PSMG2: variants seen among roughly 807,000 people sequenced by gnomAD.
The protein encoded by PSMG2 is CD40 ligand-activated specific transcript 3.
In PSMG2, 21 loss-of-function variants were observed where a neutral mutation model predicts 31.5. The ratio of observed to expected loss-of-function variants is 0.67; its 90% CI spans 0.47 to 0.96. The LOEUF is 0.96. PSMG2 is among the 40% of genes least tolerant of loss of function. The probability of loss-of-function intolerance (pLI) is 0.00; values close to 1 mark genes in which losing one functional copy is unlikely to be tolerated. For missense variants in PSMG2, 318 were observed against 321.2 expected, an observed-to-expected ratio of 0.99 and a Z score of 0.08; for synonymous variants, 120 against 110.4, an observed-to-expected ratio of 1.09 and a Z score of -0.54.
intron 2 of PSMG2, among the ~76,000 whole-genome samples, chr18:12,707,440 C>G (rs1598679450): frequency 6.6e-6 from 1 of 152,248 alleles, no homozygotes; most frequent in African/African-American, 2.4e-5. Context: ...GTTACGTCAA[C>G]TAAGTCTTAT....
At chr18:12,674,433 C>T in intron 1 of PSMG2, 3 of 799,672 alleles carry the variant, frequency 3.8e-6, no homozygotes, top group Non-Finnish European at 5.8e-6. Flanking sequence ...CAGAGCAAGA[C>T]CTTGAGTTAA....
intron 3 of PSMG2, among the ~76,000 whole-genome samples, chr18:12,717,137 C>T (rs1227160739): frequency 6.7e-6 from 1 of 149,262 alleles, no homozygotes; most frequent in Admixed American, 6.7e-5. Flanking sequence ...TTTGTAGTAA[C>T]AGGGTCTCAC....
chr18:12,668,654 A>G (rs1448326734), intron 1 of PSMG2, among the ~76,000 whole-genome samples: 1 of 150,382 alleles, frequency 6.6e-6, no homozygotes, highest in African/African-American at 2.4e-5. Flanking sequence ...AATCCAATCA[A>G]AAAGCTGAAA....
In PSMG2 at chr18:12,686,556, C is replaced by A. The variant is rs996205008; in HGVS notation, c.-36-19994C>A. 8.6e-6 allele frequency: 7 copies of A among 809,914 alleles called. No individual in the cohort carries two copies. The East Asian group carries it at 1.6e-4, about 18-fold the overall frequency. The allele number at this position is 809,914 out of a possible 1,614,324, so 50.2% of individuals were successfully genotyped here. On this transcript the variant is annotated intron_variant, in intron 1 of 6. Transcript: ENST00000585331. ...TAAAATAATTCAGCATACCATTGAT[C>A]GAGTGCTTACCTTGTATCCAGTATT...
At chr18:12,678,350 T>C (rs1598622045) in intron 1 of PSMG2, 2 of 1,614,160 alleles carry the variant, frequency 1.2e-6, no homozygotes, top group Non-Finnish European at 1.7e-6. Flanking sequence ...CATCTGATGG[T>C]TGAAAACACA....
At chr18:12,702,415 C>A, upstream of PSMG2, 1 of 1,234,502 alleles carries the variant, frequency 8.1e-7, no homozygotes, top group Non-Finnish European at 1.2e-6. Context: ...GCTGTCGGCC[C>A]GGGGCCGCCG....
chr18:12,702,919 C>T, upstream of PSMG2: 1 of 631,976 alleles, frequency 1.6e-6, no homozygotes, highest in Non-Finnish European at 2.6e-6. Flanking sequence ...CTCTTCGCGG[C>T]CACCCGGCGG....
chr18:12,689,043 G>C (rs900562656), intron 1 of PSMG2, among the ~76,000 whole-genome samples: 1 of 152,142 alleles, frequency 6.6e-6, no homozygotes, highest in Non-Finnish European at 1.5e-5. Flanking sequence ...GAATCTGGGA[G>C]GTGGAGGTTG....
chr18:12,665,514 T>C (rs1381790105), intron 1 of PSMG2, among the ~76,000 whole-genome samples: 1 of 152,180 alleles, frequency 6.6e-6, no homozygotes, highest in Non-Finnish European at 1.5e-5. Context: ...TTATGTGCCA[T>C]ACCTGTTCAT....
chr18:12,698,961 T>C (rs539841892), upstream of PSMG2: 10 of 1,524,828 alleles, frequency 6.6e-6, no homozygotes, highest in South Asian at 1.2e-4. Flanking sequence ...TAAATGACAA[T>C]TTATTACTGT....
intron 1 of PSMG2, among the ~76,000 whole-genome samples, chr18:12,690,940 C>CA (rs985606584): frequency 1.2e-5 from 1 of 84,988 alleles, no homozygotes; most frequent in Non-Finnish European, 3.2e-5. Flanking sequence ...ATGCCCAGAG[C>CA]CCCCCCCCGT....
intron 2 of PSMG2, among the ~76,000 whole-genome samples, chr18:12,707,307 G>A (rs2040279133): frequency 6.6e-6 from 1 of 152,076 alleles, no homozygotes; most frequent in South Asian, 2.1e-4. Context: ...TTTTCAACAT[G>A]GATTTTTTTC....
At chr18:12,682,673 G>T (rs1408072279) in intron 1 of PSMG2, among the ~76,000 whole-genome samples, 1 of 151,892 alleles carries the variant, frequency 6.6e-6, no homozygotes, top group African/African-American at 2.4e-5. Flanking sequence ...CTGTCACCCA[G>T]GCTGGAATGC....
In PSMG2 at chr18:12,717,463, C is replaced by A. The variant is rs72882937; in HGVS notation, c.289-1054C>A. ...CTTGCCACACCTACTTGATCTCTCG[C>A]TATGCGCGTACACAGTTTCCTTCTT... On this transcript the variant is annotated intron_variant, in intron 3 of 6. Coordinates refer to ENST00000317615, the MANE Select transcript of PSMG2 (RefSeq NM_020232.5). Among the ~76,000 whole-genome samples the A allele has an allele frequency of 5.6e-3, 859 of 152,360 alleles. 3 individuals are homozygous for A. Among genetic ancestry groups the A allele is most frequent in the South Asian group, 0.017 (82 of 4,832 alleles).
At chr18:12,659,689 TGAAAGA>T (rs1472709898) in intron 1 of PSMG2, among the ~76,000 whole-genome samples, 1 of 151,692 alleles carries the variant, frequency 6.6e-6, no homozygotes, top group Non-Finnish European at 1.5e-5. Flanking sequence ...AATAATAAAT[TGAAAGA>T]GGAGAAGAAA....
intron 3 of PSMG2, among the ~76,000 whole-genome samples, chr18:12,714,498 T>A (rs1211557728): frequency 2.6e-5 from 4 of 151,900 alleles, no homozygotes; most frequent in African/African-American, 9.7e-5. Context: ...TTTTTTTTTT[T>A]TTTTTCCTTG....
chr18:12,710,309 T>C (rs1395093486), intron 2 of PSMG2, among the ~76,000 whole-genome samples: 1 of 152,194 alleles, frequency 6.6e-6, no homozygotes, highest in Non-Finnish European at 1.5e-5. Flanking sequence ...TGTTCTTGCT[T>C]CAGTTTAAGC....
At chr18:12,697,170 A>C (rs187150005) in intron 1 of PSMG2, 4 of 1,215,508 alleles carry the variant, frequency 3.3e-6, no homozygotes, top group Non-Finnish European at 4.6e-6. Context: ...AAATATATTT[A>C]CAAATGAACT....
intron 1 of PSMG2, chr18:12,670,455 A>C (rs149830348): frequency 1.3e-5 from 2 of 152,348 alleles, no homozygotes; most frequent in African/African-American, 4.8e-5. Context: ...TTTATTACAG[A>C]GTTTACACCA....
Sources: gnomAD v4.1 joint callset for allele counts (sites outside exome capture counted in the v4.1 genomes callset) on GRCh38, gnomAD v4.1.1 for gene constraint, MANE v1.5 for transcripts, NCBI Gene and HGNC (gene_info 2026-07-23, HGNC 2026-07-21) for gene names.